ROR2: variants seen among roughly 807,000 people sequenced by gnomAD.
The protein encoded by ROR2 is tyrosine-protein kinase transmembrane receptor ROR2.
ROR2 carries 33 observed loss-of-function variants against 74.9 expected under a neutral mutation model. The observed-to-expected ratio is 0.44, with a 90% CI of 0.33 to 0.59. The LOEUF is 0.59. ROR2 is among the 20% of genes least tolerant of loss of function. ROR2 has a pLI of 0.02. For missense variants in ROR2, 1,216 were observed against 1,313.8 expected (o/e 0.93, Z 1.15); for synonymous variants, 586 against 558.7 (o/e 1.05, Z -0.69).
intron 1 of ROR2, among the ~76,000 whole-genome samples, chr9:91,796,989 G>A (rs1246787418): frequency 8.7e-6 from 1 of 115,036 alleles, no homozygotes; most frequent in African/African-American, 3.7e-5. Flanking sequence ...TGTGGGTGGG[G>A]CTGACACCCT....
chr9:91,883,064 G>C (rs1830162509), intron 1 of ROR2, among the ~76,000 whole-genome samples: 1 of 152,268 alleles, frequency 6.6e-6, no homozygotes, highest in Middle Eastern at 3.4e-3. Flanking sequence ...GATGCTCCAA[G>C]GAAATGCTCA....
In ROR2 at chr9:91,888,958, T is replaced by C. The variant is rs1830356509; in HGVS notation, c.97+60909A>G. 2.0e-5 allele frequency among the ~76,000 whole-genome samples: 3 copies of C among 152,316 alleles called. 1 individual carries two copies. The South Asian group carries it at 6.2e-4, about 32-fold the overall frequency. On this transcript the variant is annotated intron_variant, in intron 1 of 8. Transcript: ENST00000375708. ...GGCTCTTCCATTTTTTTCATGTTTA[T>C]GGCTCTCCCATTTTTTCTTTGCTTT...
intron 1 of ROR2, among the ~76,000 whole-genome samples, chr9:91,808,449 G>C (rs1235284875): frequency 2.0e-5 from 3 of 152,068 alleles, no homozygotes; most frequent in Non-Finnish European, 4.4e-5. Context: ...GGCCAACATG[G>C]TGAAAGCCCG....
chr9:91,759,902 A>G (rs1825861538), intron 2 of ROR2, among the ~76,000 whole-genome samples: 1 of 152,220 alleles, frequency 6.6e-6, no homozygotes, highest in South Asian at 2.1e-4. Flanking sequence ...TGGGGCCATC[A>G]TTAGGTAACC....
Position 91,948,830 on chromosome 9 carries a change from A to T in ROR2, c.97+1037T>A, listed in dbSNP as rs1225029653. On this transcript the variant is annotated intron_variant, in intron 1 of 8. Transcript: ENST00000375708. ...AGGTCTCTGGCGCTCCTGGGCCTGA[A>T]GGCCCCGCCCGCCCTCCTCCACCCC... is the stretch of plus-strand genomic sequence containing the variant. The T allele has an allele frequency of 1.1e-5, 11 of 985,326 alleles. No individual in the cohort carries two copies. In the East Asian group the frequency reaches 1.1e-3, roughly 102 times the overall value. 61.0% of individuals were successfully genotyped at this position (985,326 alleles called of 1,614,324 possible). A position where few individuals can be genotyped will look rare whatever the true frequency, so the allele number is the denominator to read the frequency against.
In ROR2 at chr9:91,846,507, T is replaced by A. The variant is rs143297416; in HGVS notation, c.98-70689A>T. ...GCCTCCAAACTGTAGGAAATCAATG[T>A]CTGCTGTTTAAGCCGCCCAGTCTCG... is the stretch of plus-strand genomic sequence containing the variant. On this transcript the variant is annotated intron_variant, in intron 1 of 8. Coordinates refer to ENST00000375708, the MANE Select transcript of ROR2 (RefSeq NM_004560.4). Among the ~76,000 whole-genome samples, 540 of 152,198 alleles carry A rather than the reference T, an allele frequency of 3.5e-3. 2 individuals are homozygous for A. Among genetic ancestry groups the A allele is most frequent in the Non-Finnish European group, 6.0e-3 (406 of 67,980 alleles).
intron 1 of ROR2, among the ~76,000 whole-genome samples, chr9:91,894,348 G>A (rs1421462976): frequency 1.3e-5 from 2 of 152,164 alleles, no homozygotes; most frequent in Non-Finnish European, 2.9e-5. Flanking sequence ...ATGTGTGTCT[G>A]CTAACTGATT....
intron 2 of ROR2, among the ~76,000 whole-genome samples, chr9:91,770,157 G>A (rs1826182411): frequency 6.6e-6 from 1 of 152,226 alleles, no homozygotes; most frequent in South Asian, 2.1e-4. Flanking sequence ...GCTGCAGGGG[G>A]ATGCCCTCAT....
chr9:91,793,728 C>T (rs1161182123), intron 1 of ROR2, among the ~76,000 whole-genome samples: 5 of 149,980 alleles, frequency 3.3e-5, no homozygotes, highest in African/African-American at 1.2e-4. Flanking sequence ...TGCCATTGCA[C>T]TCCAGCCCGG....
chr9:91,725,890 G>A (rs1417550590), intron 8 of ROR2, among the ~76,000 whole-genome samples: 1 of 152,306 alleles, frequency 6.6e-6, no homozygotes, highest in Non-Finnish European at 1.5e-5. Flanking sequence ...TGGGACTGAA[G>A]AGCCAAGTGC....
chr9:91,810,642 G>A (rs1827719316), intron 1 of ROR2, among the ~76,000 whole-genome samples: 1 of 152,182 alleles, frequency 6.6e-6, no homozygotes, highest in Non-Finnish European at 1.5e-5. Flanking sequence ...CAGGACGCCT[G>A]TCCGGTCACT....
intron 2 of ROR2, among the ~76,000 whole-genome samples, chr9:91,758,409 G>A (rs1418697123): frequency 6.6e-6 from 1 of 152,058 alleles, no homozygotes; most frequent in African/African-American, 2.4e-5. Context: ...ATATCATTAA[G>A]CACAAAGCCA....
chr9:91,896,182 A>G (rs1487813062), intron 1 of ROR2, among the ~76,000 whole-genome samples: 8 of 152,218 alleles, frequency 5.3e-5, no homozygotes, highest in African/African-American at 7.2e-5. Context: ...CAGTGCATAC[A>G]ATATTGTGAA....
chr9:91,796,681 C>T (rs1827183919), intron 1 of ROR2, among the ~76,000 whole-genome samples: 1 of 151,666 alleles, frequency 6.6e-6, no homozygotes, highest in African/African-American at 2.4e-5. Flanking sequence ...ACAGTCTGGG[C>T]TAGTAGATGG....
chr9:91,740,558 G>T (rs1019621328), intron 4 of ROR2, among the ~76,000 whole-genome samples: 2 of 146,294 alleles, frequency 1.4e-5, no homozygotes, highest in African/African-American at 5.4e-5. Context: ...TTTCGGGCGG[G>T]GGGGGGAATA....
chr9:91,777,415 A>G (rs1209340193), intron 1 of ROR2, among the ~76,000 whole-genome samples: 1 of 151,784 alleles, frequency 6.6e-6, no homozygotes, highest in Non-Finnish European at 1.5e-5. Flanking sequence ...ACACCCCATC[A>G]TCATCATCAT....
At chr9:91,942,846 G>A (rs1831912441) in intron 1 of ROR2, among the ~76,000 whole-genome samples, 1 of 152,144 alleles carries the variant, frequency 6.6e-6, no homozygotes, top group Admixed American at 6.5e-5. Flanking sequence ...TTCTCCCCTA[G>A]AGCCCTGGGA....
intron 1 of ROR2, among the ~76,000 whole-genome samples, chr9:91,777,571 T>A (rs950518842): frequency 6.6e-5 from 10 of 152,132 alleles, no homozygotes; most frequent in Non-Finnish European, 1.3e-4. Flanking sequence ...ATTCACCATT[T>A]TAAAGTGTGC....
intron 1 of ROR2, among the ~76,000 whole-genome samples, chr9:91,829,549 CAAAAAAAAAAA>C (rs34687056): frequency 8.1e-4 from 33 of 40,512 alleles, no homozygotes; most frequent in Non-Finnish European, 1.4e-3. Flanking sequence ...GACTCCGTCT[CAAAAAAAAAAA>C]AAAAAAAAAA....
Sources: allele counts gnomAD v4.1 joint callset (sites outside exome capture counted in the v4.1 genomes callset), GRCh38; gene constraint gnomAD v4.1.1; transcripts MANE v1.5; gene names NCBI Gene and HGNC (gene_info 2026-07-23, HGNC 2026-07-21).